SMPDL3B: variants seen among roughly 807,000 people sequenced by gnomAD.
The protein encoded by SMPDL3B is sphingomyelin phosphodiesterase acid like 3B.
Under a neutral mutation model 37.9 loss-of-function variants are expected in SMPDL3B, and 31 were observed. The observed-to-expected ratio is 0.82, with a 90% confidence interval of 0.61 to 1.10. The LOEUF (loss-of-function observed/expected upper bound fraction) is 1.10, where lower values mean the gene tolerates loss of function less well. Among genes scored for constraint, SMPDL3B ranks in the 50% least tolerant of loss-of-function variants. SMPDL3B has a pLI of 0.00. For synonymous variants in SMPDL3B, 235 were observed against 242.6 expected (o/e 0.97, Z 0.29); for missense variants, 525 against 597.8 (o/e 0.88, Z 1.27).
rs1638348435 is a variant in SMPDL3B at position 27,958,067 on chromosome 1, C to A, written c.1006-409C>A. On this transcript the variant is annotated intron_variant, in intron 7 of 7. Transcript: ENST00000373894. This position sits in a 1 kb window ranked among gnomAD's most constrained non-coding sequence, Gnocchi z 5.6. ...GTCCTAGGAGTCTACAGTTCATAAT[C>A]TCTCTCATGCTTAGTGTTGCTCTTT... Among the ~76,000 whole-genome samples the A allele has an allele frequency of 6.6e-6, 1 of 152,158 alleles. No homozygotes were observed. Among genetic ancestry groups the A allele is most frequent in the African/African-American group, 2.4e-5 (1 of 41,434 alleles).
chr1:27,956,302 C>G, intron 7 of SMPDL3B: 3 of 1,497,494 alleles, frequency 2.0e-6, no homozygotes, highest in Non-Finnish European at 1.8e-6. Flanking sequence ...GGATGACTGT[C>G]ACAGCTTCAT....
intron 3 of SMPDL3B, among the ~76,000 whole-genome samples, chr1:27,951,198 C>T (rs1480681776): frequency 6.6e-6 from 1 of 152,144 alleles, no homozygotes; most frequent in Non-Finnish European, 1.5e-5. Flanking sequence ...TAAGAAAAAA[C>T]AGCTACCAAT....
chr1:27,950,460 CTGTT>C (rs2090446702), intron 3 of SMPDL3B, among the ~76,000 whole-genome samples: 1 of 152,088 alleles, frequency 6.6e-6, no homozygotes, highest in Non-Finnish European at 1.5e-5. Flanking sequence ...GCTTCACTGA[CTGTT>C]TTGTTTTTTG....
intron 1 of SMPDL3B, chr1:27,942,316 C>G (rs1331821380): frequency 2.5e-6 from 1 of 398,404 alleles, no homozygotes; most frequent in South Asian, 1.6e-5. Context: ...AGGCAAAGGG[C>G]CTCCCCCAAC....
intron 3 of SMPDL3B, among the ~76,000 whole-genome samples, chr1:27,951,078 A>AAC (rs34672686): frequency 0.62 from 93,954 of 151,760 alleles, 29,141 homozygotes; most frequent in South Asian, 0.76. Flanking sequence ...ACTATGATTT[A>AAC]ACACAAATGT....
intron 4 of SMPDL3B, 73 bp from the exon 5 acceptor site, chr1:27,954,281 T>G (rs2148680551): frequency 2.9e-6 from 4 of 1,357,416 alleles, no homozygotes; most frequent in Non-Finnish European, 4.0e-6. Context: ...AAGTGGGACA[T>G]TGAGGTGGAA....
Position 27,935,123 on chromosome 1 carries a change from T to C in SMPDL3B, c.-61T>C. The C allele has an allele frequency of 7.5e-7, 1 of 1,337,674 alleles. No individual in the cohort carries two copies. The highest frequency in any genetic ancestry group is 1.1e-6 in the Non-Finnish European group (1 of 933,054). 82.9% of individuals were successfully genotyped at this position (1,337,674 alleles called of 1,614,324 possible). ...GCCACAGAAAACTACTTAGGAAGCC[T>C]GTGGTGAGAACAACAACAGTGCCTG... On this transcript the variant is annotated 5_prime_UTR_variant, in exon 1 of 8. Transcript: ENST00000373894.
At chr1:27,956,183 A>G (rs1392631353) in intron 7 of SMPDL3B, 101 bp downstream of exon 7, 2 of 1,609,130 alleles carry the variant, frequency 1.2e-6, no homozygotes, top group East Asian at 4.5e-5. Context: ...CTGACCACTG[A>G]GCCTCAGGAA....
intron 3 of SMPDL3B, among the ~76,000 whole-genome samples, chr1:27,950,966 G>T (rs150358379): frequency 2.0e-5 from 3 of 152,052 alleles, no homozygotes; most frequent in African/African-American, 7.2e-5. Flanking sequence ...TTCTTGCTGT[G>T]TTGCCTAGGC....
chr1:27,935,482 G>A (rs1048154523), intron 1 of SMPDL3B, among the ~76,000 whole-genome samples: 5 of 152,130 alleles, frequency 3.3e-5, no homozygotes, highest in Non-Finnish European at 2.9e-5. Flanking sequence ...GTCTGGGTAC[G>A]TGAGAGCTAG....
intron 1 of SMPDL3B, among the ~76,000 whole-genome samples, chr1:27,944,046 C>G (rs1205854882): frequency 6.6e-6 from 1 of 151,072 alleles, no homozygotes; most frequent in Non-Finnish European, 1.5e-5. Flanking sequence ...ACTACTGTGC[C>G]AGGCCGTGTT....
chr1:27,957,363 A>C (rs2148682452), intron 7 of SMPDL3B, among the ~76,000 whole-genome samples: 1 of 152,278 alleles, frequency 6.6e-6, no homozygotes, highest in East Asian at 1.9e-4. Flanking sequence ...GGAGGCTTCC[A>C]AGGCTCTTGG....
rs1381783322 is a variant in SMPDL3B, at chr1:27,955,838, G to A, written c.845G>A (p.Ser282Asn). 4 of 1,614,058 alleles carry A rather than the reference G, an allele frequency of 2.5e-6. No homozygotes were observed. The highest frequency in any genetic ancestry group is 3.4e-6 in the Non-Finnish European group (4 of 1,179,954). ...GQFFGHHHTD[S>N]FRMLYDDAGV... is the part of the protein sequence containing the mutation. ...TTCTTCGGGCACCACCACACCGACA[G>A]CTTTCGGATGCTCTATGATGATGCA... The change falls in exon 6 of 8, where the codon AGC (serine) becomes AAC (asparagine). Residue 282 changes from serine to asparagine, a missense_variant. By Grantham distance (46) the Ser-to-Asn change is conservative. Coordinates refer to ENST00000373894, the MANE Select transcript of SMPDL3B (RefSeq NM_014474.4).
At chr1:27,935,324 T>C (rs1198919919) in intron 1 of SMPDL3B, 80 bp downstream of exon 1, 11 of 1,065,382 alleles carry the variant, frequency 1.0e-5, no homozygotes, top group East Asian at 2.5e-5. Flanking sequence ...CGCAGCCAGC[T>C]TGAAGGTGCT....
chr1:27,935,890 C>T (rs759141032), intron 1 of SMPDL3B, among the ~76,000 whole-genome samples: 139 of 152,092 alleles, frequency 9.1e-4, no homozygotes, highest in Admixed American at 2.7e-3. Context: ...CTGAGGTGGA[C>T]ACACAGGAGA....
chr1:27,938,302 A>G (rs1253352666), intron 1 of SMPDL3B, among the ~76,000 whole-genome samples: 6 of 152,204 alleles, frequency 3.9e-5, no homozygotes, highest in Admixed American at 3.9e-4. Flanking sequence ...TTTATAGATG[A>G]GGAAACTAAG....
intron 3 of SMPDL3B, 28 bp downstream of exon 3, chr1:27,949,190 A>G (rs753997112): frequency 6.2e-7 from 1 of 1,612,624 alleles, no homozygotes; most frequent in South Asian, 1.1e-5. Flanking sequence ...GTCCCTCCAC[A>G]GTGTTCTCGG....
intron 7 of SMPDL3B, 116 bp downstream of exon 7, chr1:27,956,198 G>C: frequency 6.2e-7 from 1 of 1,603,782 alleles, no homozygotes; most frequent in Non-Finnish European, 8.5e-7. Flanking sequence ...CAGGAAGGTT[G>C]AGCTCCTTCC....
intron 1 of SMPDL3B, among the ~76,000 whole-genome samples, chr1:27,936,851 C>T (rs755064414): frequency 6.6e-6 from 1 of 152,038 alleles, no homozygotes; most frequent in Non-Finnish European, 1.5e-5. Flanking sequence ...ACTAAAAATA[C>T]TCTACTAAAA....
Sources: gnomAD v4.1 joint callset for allele counts (sites outside exome capture counted in the v4.1 genomes callset) on GRCh38, gnomAD v4.1.1 for gene constraint, Gnocchi (gnomAD v3.1) non-coding constraint, MANE v1.5 for transcripts, NCBI Gene and HGNC (gene_info 2026-07-23, HGNC 2026-07-21) for gene names.